The following SLC7A14 variants were observed in gnomAD, a reference collection of about 807,000 sequenced individuals.
The protein encoded by SLC7A14 is solute carrier family 7 member 14.
A neutral mutation model predicts 60.2 loss-of-function variants in SLC7A14; 37 were observed. That is an observed-to-expected ratio of 0.61 (90% CI 0.47 to 0.81). The LOEUF (loss-of-function observed/expected upper bound fraction) is 0.81, where lower values mean the gene tolerates loss of function less well. Among genes scored for constraint, SLC7A14 ranks in the 30% least tolerant of loss-of-function variants. SLC7A14 has a pLI of 0.00. For missense variants in SLC7A14, 886 were observed against 982.7 expected (o/e 0.90, Z 1.32); for synonymous variants, 399 against 395.8 (o/e 1.01, Z -0.10).
intron 7 of SLC7A14, among the ~76,000 whole-genome samples, chr3:170,472,562 G>A (rs1739946445): frequency 6.6e-6 from 1 of 151,948 alleles, no homozygotes; most frequent in Non-Finnish European, 1.5e-5. Flanking sequence ...TCAGGAGATC[G>A]AGACCATCCT....
At chr3:170,568,449 C>T (rs966324933) in intron 1 of SLC7A14, among the ~76,000 whole-genome samples, 2 of 152,162 alleles carry the variant, frequency 1.3e-5, no homozygotes, top group African/African-American at 4.8e-5. Context: ...AGCATGATGC[C>T]TCCAGCTTTG....
At chr3:170,494,237 G>T (rs1160623318) in intron 4 of SLC7A14, among the ~76,000 whole-genome samples, 1 of 152,184 alleles carries the variant, frequency 6.6e-6, no homozygotes, top group Non-Finnish European at 1.5e-5. Context: ...TACTTATTTT[G>T]CAGGGCTGTT....
intron 2 of SLC7A14, among the ~76,000 whole-genome samples, chr3:170,504,552 C>A (rs1712712391): frequency 6.6e-6 from 1 of 152,060 alleles, no homozygotes; most frequent in South Asian, 2.1e-4. Context: ...AAGTCCTGAC[C>A]TCAAGTGATC....
intron 1 of SLC7A14, among the ~76,000 whole-genome samples, chr3:170,536,513 G>A (rs911848197): frequency 1.3e-5 from 2 of 152,206 alleles, no homozygotes; most frequent in African/African-American, 4.8e-5. Context: ...TGGGAAGTCT[G>A]ATGGGCCCAT....
chr3:170,466,922 G>C lies in SLC7A14; in HGVS notation c.*133C>G, dbSNP rs1739732516. 9 of 757,336 alleles carry C rather than the reference G, an allele frequency of 1.2e-5. No homozygotes were observed. In the South Asian group the frequency reaches 1.6e-4, roughly 13 times the overall value. 46.9% of individuals were successfully genotyped at this position (757,336 alleles called of 1,614,324 possible). A position where few individuals can be genotyped will look rare whatever the true frequency, so the allele number is the denominator to read the frequency against. The stretch of plus-strand genomic sequence containing the variant: ...GAAGAGCAAAAGTAGCAAATGACAG[G>C]CTATGACTAGGGATTGAATTTGGGG... On this transcript the variant is annotated 3_prime_UTR_variant, in exon 8 of 8. Transcript: ENST00000231706.
chr3:170,516,725 C>T (rs1577530545), intron 2 of SLC7A14, among the ~76,000 whole-genome samples: 1 of 152,132 alleles, frequency 6.6e-6, no homozygotes, highest in East Asian at 1.9e-4. Flanking sequence ...CATGATCATG[C>T]CACTGCACTT....
At chr3:170,511,785 C>G (rs1326938185) in intron 2 of SLC7A14, among the ~76,000 whole-genome samples, 2 of 152,180 alleles carry the variant, frequency 1.3e-5, no homozygotes, top group Non-Finnish European at 2.9e-5. Context: ...AGACCAAGCC[C>G]TAGGTGTGCT....
chr3:170,531,502 C>G (rs1713679643), intron 1 of SLC7A14, among the ~76,000 whole-genome samples: 1 of 151,924 alleles, frequency 6.6e-6, no homozygotes, highest in African/African-American at 2.4e-5. Flanking sequence ...TTGAGGGTGG[C>G]AAGAATGCCC....
At chr3:170,559,548 G>A (rs1381924417) in intron 1 of SLC7A14, among the ~76,000 whole-genome samples, 1 of 152,040 alleles carries the variant, frequency 6.6e-6, no homozygotes, top group Non-Finnish European at 1.5e-5. Context: ...TGTTTCTCTG[G>A]CAAATTTATT....
intron 1 of SLC7A14, among the ~76,000 whole-genome samples, chr3:170,545,316 A>C (rs2108302169): frequency 6.6e-6 from 1 of 151,892 alleles, no homozygotes; most frequent in South Asian, 2.1e-4. Context: ...TCTGCCATCT[A>C]CTCTTGGCTC....
rs141543286 is a variant in SLC7A14, at chr3:170,496,753, T to G, written c.759+1914A>C. 1.3e-3 allele frequency: 992 copies of G among 749,736 alleles called. 5 individuals are homozygous for G. The African/African-American group carries it at 0.013, about 10-fold the overall frequency. 46.4% of individuals were successfully genotyped at this position (749,736 alleles called of 1,614,324 possible). ...CCCTGGCCTCAGCTATGGCCTAAGCTCCAGCTTTGGCTCTGTCGCGGGCTC... is the reference window on the plus strand; with the variant it reads ...CCCTGGCCTCAGCTATGGCCTAAGCGCCAGCTTTGGCTCTGTCGCGGGCTC... On this transcript the variant is annotated intron_variant, in intron 4 of 7. Transcript: ENST00000231706.
chr3:170,567,414 G>A (rs1218332693), intron 1 of SLC7A14, among the ~76,000 whole-genome samples: 1 of 150,730 alleles, frequency 6.6e-6, no homozygotes, highest in East Asian at 1.9e-4. Flanking sequence ...ATCATTGTTG[G>A]ACATTTGGGT....
chr3:170,499,464 T>A (rs990287944), intron 3 of SLC7A14, among the ~76,000 whole-genome samples: 1 of 152,032 alleles, frequency 6.6e-6, no homozygotes, highest in South Asian at 2.1e-4. Flanking sequence ...TATGAAACCA[T>A]GGCACAGAAC....
chr3:170,490,228 T>C (rs1257462295), intron 4 of SLC7A14, among the ~76,000 whole-genome samples: 1 of 152,154 alleles, frequency 6.6e-6, no homozygotes, highest in African/African-American at 2.4e-5. Flanking sequence ...ACGTACTAAG[T>C]ACCCACAAAA....
At chr3:170,493,631 C>G (rs904276650) in intron 4 of SLC7A14, among the ~76,000 whole-genome samples, 3 of 152,166 alleles carry the variant, frequency 2.0e-5, no homozygotes, top group Non-Finnish European at 4.4e-5. Flanking sequence ...TTTTAGGTAA[C>G]AGAGCGAGGA....
At chr3:170,490,977 A>C (rs1712196642) in intron 4 of SLC7A14, among the ~76,000 whole-genome samples, 1 of 152,184 alleles carries the variant, frequency 6.6e-6, no homozygotes, top group Admixed American at 6.5e-5. Context: ...CCAAGGGCAC[A>C]AACTCCTCCT....
At chr3:170,568,317 G>T (rs373471278) in intron 1 of SLC7A14, among the ~76,000 whole-genome samples, 24 of 152,278 alleles carry the variant, frequency 1.6e-4, no homozygotes, top group Middle Eastern at 3.4e-3. Context: ...TCAGATAGTT[G>T]TAGATATGCG....
intron 1 of SLC7A14, among the ~76,000 whole-genome samples, chr3:170,548,811 A>G (rs1714251011): frequency 6.6e-6 from 1 of 152,230 alleles, no homozygotes; most frequent in South Asian, 2.1e-4. Context: ...TTTAGATCCT[A>G]TGTCACCACT....
Position 170,495,830 on chromosome 3 carries a change from G to T in SLC7A14, c.759+2837C>A. 4.4e-6 allele frequency: 5 copies of T among 1,129,948 alleles called. No homozygotes were observed. The Admixed American group carries it at 5.1e-5, about 11-fold the overall frequency. 70.0% of individuals were successfully genotyped at this position (1,129,948 alleles called of 1,614,324 possible). On this transcript the variant is annotated intron_variant, in intron 4 of 7. Coordinates refer to ENST00000231706, the MANE Select transcript of SLC7A14 (RefSeq NM_020949.3). ...AGTGGAGCCTCCTGCAGCAGCAGAA[G>T]ATGGCTCGGATCAACGTATTTGAGA... is the stretch of plus-strand genomic sequence containing the variant.
Sources: gnomAD v4.1 joint callset for allele counts (sites outside exome capture counted in the v4.1 genomes callset) on GRCh38, gnomAD v4.1.1 for gene constraint, MANE v1.5 for transcripts, NCBI Gene and HGNC (gene_info 2026-07-23, HGNC 2026-07-21) for gene names.